The following DCC variants were observed in gnomAD, a reference collection of about 807,000 sequenced individuals.
DCC encodes the protein DCC netrin 1 receptor, also known as netrin receptor DCC.
In DCC, 58 loss-of-function variants were observed where a neutral mutation model predicts 172.5. That is an observed-to-expected ratio of 0.34 (90% confidence interval 0.27 to 0.42). The LOEUF is 0.42. Ranked by LOEUF, DCC falls within the 10% of genes least tolerant of loss-of-function variation. The probability of loss-of-function intolerance (pLI) is 1.00; values close to 1 mark genes in which losing one functional copy is unlikely to be tolerated. For synonymous variants in DCC, 709 were observed against 644.5 expected (o/e 1.10, Z -1.52); for missense variants, 1,740 against 1,791.0 (o/e 0.97, Z 0.51).
chr18:52,720,736 A>G (rs1315824471), intron 1 of DCC, among the ~76,000 whole-genome samples: 4 of 152,170 alleles, frequency 2.6e-5, no homozygotes, highest in Admixed American at 1.3e-4. Flanking sequence ...ATGACCATTT[A>G]ACTTGTGACA....
At chr18:52,439,628 T>C (rs1025893897) in intron 1 of DCC, among the ~76,000 whole-genome samples, 11 of 152,162 alleles carry the variant, frequency 7.2e-5, no homozygotes, top group Non-Finnish European at 1.2e-4. Flanking sequence ...TGACACAGAT[T>C]AATTCAACCT....
At chr18:52,761,650 C>A (rs6508159) in intron 2 of DCC, among the ~76,000 whole-genome samples, 31,758 of 151,788 alleles carry the variant, frequency 0.21, 4,728 homozygotes, top group African/African-American at 0.42. Flanking sequence ...AAACACAAAC[C>A]CATGCACACA....
chr18:52,760,502 G>A (rs558912427), intron 2 of DCC, among the ~76,000 whole-genome samples: 112 of 152,302 alleles, frequency 7.4e-4, no homozygotes, highest in African/African-American at 2.6e-3. Flanking sequence ...ACATAGAAAG[G>A]TGGGAGATAG....
chr18:52,784,933 G>GGC (rs1435337155), intron 2 of DCC, among the ~76,000 whole-genome samples: 3 of 138,840 alleles, frequency 2.2e-5, no homozygotes, highest in African/African-American at 9.1e-5. Context: ...AAGAGAAGGG[G>GGC]GGAGAGAGAG....
At chr18:52,899,990 G>A (rs967110917) in intron 2 of DCC, among the ~76,000 whole-genome samples, 1 of 152,108 alleles carries the variant, frequency 6.6e-6, no homozygotes, top group Non-Finnish European at 1.5e-5. Context: ...ACATAGACTC[G>A]GCTCTGATTT....
chr18:53,057,470 T>G (rs1387160349), intron 5 of DCC, among the ~76,000 whole-genome samples: 1 of 152,104 alleles, frequency 6.6e-6, no homozygotes, highest in African/African-American at 2.4e-5. Flanking sequence ...GGATTCCTTG[T>G]CTCAGCCCCC....
At chr18:52,906,694 G>C (rs2039888015) in intron 3 of DCC, among the ~76,000 whole-genome samples, 2 of 151,860 alleles carry the variant, frequency 1.3e-5, no homozygotes, top group African/African-American at 4.8e-5. Flanking sequence ...CATTTCAAAG[G>C]ATGAAGGTGA....
intron 1 of DCC, among the ~76,000 whole-genome samples, chr18:52,476,788 G>A (rs1989107056): frequency 6.6e-6 from 1 of 152,130 alleles, no homozygotes; most frequent in Non-Finnish European, 1.5e-5. Context: ...CTTAAATTTG[G>A]ATGGTAAGAT....
At chr18:52,816,884 A>G (rs1056339702) in intron 2 of DCC, 1 of 152,210 alleles carries the variant, frequency 6.6e-6, no homozygotes, top group African/African-American at 2.4e-5. Flanking sequence ...TATTTCTATT[A>G]TCTTAGAACT....
chr18:52,571,697 T>A (rs888598084), intron 1 of DCC, among the ~76,000 whole-genome samples: 1 of 152,164 alleles, frequency 6.6e-6, no homozygotes, highest in East Asian at 1.9e-4. Context: ...GCTGAGACAG[T>A]GGAGGCTGGT....
intron 1 of DCC, among the ~76,000 whole-genome samples, chr18:52,687,197 T>C (rs1222426067): frequency 6.6e-6 from 1 of 152,110 alleles, no homozygotes; most frequent in Non-Finnish European, 1.5e-5. Flanking sequence ...CCAAACAATA[T>C]GGATACATCT....
intron 5 of DCC, among the ~76,000 whole-genome samples, chr18:52,998,087 A>C (rs2041510589): frequency 6.7e-6 from 1 of 148,244 alleles, no homozygotes; most frequent in Non-Finnish European, 1.5e-5. Flanking sequence ...CATGGCAATT[A>C]AAATTAAAAT....
intron 7 of DCC, among the ~76,000 whole-genome samples, chr18:53,069,922 G>C (rs1041473800): frequency 6.9e-6 from 1 of 145,582 alleles, no homozygotes; most frequent in African/African-American, 2.8e-5. Context: ...TTGTGGGGTT[G>C]GGGGGGGTTG....
At chr18:53,223,916 G>A (rs1201814251) in intron 12 of DCC, among the ~76,000 whole-genome samples, 1 of 152,096 alleles carries the variant, frequency 6.6e-6, no homozygotes, top group Non-Finnish European at 1.5e-5. Flanking sequence ...TTTTGTGCCT[G>A]GCAATGTGCT....
intron 19 of DCC, among the ~76,000 whole-genome samples, chr18:53,407,433 T>G (rs1054186531): frequency 3.0e-4 from 45 of 149,336 alleles, no homozygotes; most frequent in Non-Finnish European, 5.2e-4. Flanking sequence ...AGGTAGGACA[T>G]GCACATAATA....
At chr18:52,671,662 C>T (rs879668126) in intron 1 of DCC, among the ~76,000 whole-genome samples, 10 of 151,660 alleles carry the variant, frequency 6.6e-5, no homozygotes, top group Admixed American at 2.6e-4. Flanking sequence ...GCCTCAGCCT[C>T]CCGAGTAGCT....
intron 9 of DCC, among the ~76,000 whole-genome samples, chr18:53,195,811 T>C (rs749616866): frequency 5.3e-5 from 8 of 152,214 alleles, no homozygotes; most frequent in Non-Finnish European, 1.0e-4. Context: ...ATCTCATCAA[T>C]AGATCTATTT....
At chr18:53,024,005 A>G (rs1234118817) in intron 5 of DCC, among the ~76,000 whole-genome samples, 1 of 152,156 alleles carries the variant, frequency 6.6e-6, no homozygotes, top group African/African-American at 2.4e-5. Flanking sequence ...ATAAATTTCA[A>G]GGGATGTTTT....
intron 3 of DCC, among the ~76,000 whole-genome samples, chr18:52,921,496 C>T (rs187864327): frequency 2.5e-4 from 38 of 151,992 alleles, no homozygotes; most frequent in Admixed American, 2.1e-3. Flanking sequence ...ATGAGGAGTT[C>T]GAGACCAGCC....
Sources: gnomAD v4.1 joint callset for allele counts (sites outside exome capture counted in the v4.1 genomes callset) on GRCh38, gnomAD v4.1.1 for gene constraint, MANE v1.5 for transcripts, NCBI Gene and HGNC (gene_info 2026-07-23, HGNC 2026-07-21) for gene names.